Variants in FHOD3 observed in about 807,000 individuals in gnomAD.
FHOD3 encodes formin homology 2 domain containing 3, also known as FH1/FH2 domain-containing protein 3.
Under a neutral mutation model 173.0 loss-of-function variants are expected in FHOD3, and 90 were observed. The observed-to-expected ratio is 0.52, with a 90% CI of 0.44 to 0.62. FHOD3 has a LOEUF of 0.62. Ranked by LOEUF, FHOD3 falls within the 20% of genes least tolerant of loss-of-function variation. FHOD3 has a pLI of 0.00. For synonymous variants in FHOD3, 828 were observed against 823.0 expected (o/e 1.01, Z -0.10); for missense variants, 1,945 against 2,034.7 (o/e 0.96, Z 0.85).
chr18:36,658,988 G>A (rs1774730332), intron 14 of FHOD3, among the ~76,000 whole-genome samples: 1 of 152,190 alleles, frequency 6.6e-6, no homozygotes, highest in South Asian at 2.1e-4. Context: ...TGTAGGAGAT[G>A]ATAGCATGTA....
At chr18:36,660,542 G>C (rs1354931928) in intron 14 of FHOD3, among the ~76,000 whole-genome samples, 1 of 152,226 alleles carries the variant, frequency 6.6e-6, no homozygotes, top group African/African-American at 2.4e-5. Flanking sequence ...GGAGCAGCAG[G>C]TTTGGCAGAG....
At chr18:36,770,892 T>G (rs993481663) in intron 28 of FHOD3, among the ~76,000 whole-genome samples, 2 of 152,200 alleles carry the variant, frequency 1.3e-5, no homozygotes, top group Admixed American at 6.5e-5. Context: ...CTCTTTATTG[T>G]ATGCCTTCCT....
At position 36,618,310 on chromosome 18, in the gene FHOD3, G is replaced by GTTTTTTTTTTT. The variant is rs1465774220; in HGVS notation, c.957+6215_957+6216insTTTTTTTTTTT. ...CCATTTGGTAATGATGTTTTTTGGT[G>GTTTTTTTTTTT]GTTTTTTTTTTTTTTTTTTTTTTGA... On this transcript the variant is annotated intron_variant, in intron 9 of 28. Transcript: ENST00000590592. 4.7e-5 allele frequency among the ~76,000 whole-genome samples: 4 copies of GTTTTTTTTTTT among 85,224 alleles called. 1 individual carries two copies. Among genetic ancestry groups the GTTTTTTTTTTT allele is most frequent in the African/African-American group, 4.1e-5 (1 of 24,664 alleles). The allele number at this position is 85,224 out of a possible 152,430, so 55.9% of individuals were successfully genotyped here.
intron 3 of FHOD3, among the ~76,000 whole-genome samples, chr18:36,476,601 C>T (rs2053588985): frequency 6.6e-6 from 1 of 152,196 alleles, no homozygotes; most frequent in Non-Finnish European, 1.5e-5. Context: ...GAAGTCAGCT[C>T]TTAAGCCAGT....
At chr18:36,519,216 T>C (rs1446155361) in intron 5 of FHOD3, among the ~76,000 whole-genome samples, 2 of 152,182 alleles carry the variant, frequency 1.3e-5, no homozygotes, top group African/African-American at 2.4e-5. Flanking sequence ...TGGACTTAAA[T>C]TGGACAGTTC....
At chr18:36,521,636 TC>T (rs774079310) in intron 5 of FHOD3, among the ~76,000 whole-genome samples, 99 of 152,322 alleles carry the variant, frequency 6.5e-4, no homozygotes, top group Non-Finnish European at 1.1e-3. Flanking sequence ...CCTAACCTGC[TC>T]TACCAGCTGC....
At chr18:36,549,532 CTTTTTTTTTTTTT>C (rs386387404) in intron 5 of FHOD3, among the ~76,000 whole-genome samples, 2 of 71,218 alleles carry the variant, frequency 2.8e-5, no homozygotes, top group African/African-American at 5.7e-5. Context: ...TCTAAGAAAT[CTTTTTTTTTTTTT>C]TTTTTTTTTT....
chr18:36,681,485 T>C lies in FHOD3; in HGVS notation c.1885T>C (p.Ser629Pro), dbSNP rs759635243. The C allele has an allele frequency of 6.2e-7, 1 of 1,613,168 alleles. No homozygotes were observed. Among genetic ancestry groups the C allele is most frequent in the Non-Finnish European group, 8.5e-7 (1 of 1,179,746 alleles). The change falls in exon 15 of 29, where the codon TCA (serine) becomes CCA (proline). Residue 629 changes from serine (S) to proline (P), a missense_variant. By Grantham distance (74) the Ser-to-Pro change is moderately conservative (BLOSUM62 -1). Around this residue, in one of 5 missense-constraint regions of FHOD3, gnomAD observed 1,099 missense variants for 1,051.2 expected, o/e 1.05. Coordinates refer to ENST00000590592, the MANE Select transcript of FHOD3 (RefSeq NM_001281740.3). The part of the protein sequence containing the change: ...LTSSFRQHQE[S>P]LAAERERRRQ... ...ATCATCCTTCAGGCAGCACCAAGAG[T>C]CACTGGCAGCAGAGAGAGAGAGGCG...
At chr18:36,758,999 G>A (rs2042754150) in intron 25 of FHOD3, 119 bp from the exon 26 acceptor site, 1 of 1,104,672 alleles carries the variant, frequency 9.1e-7, no homozygotes, top group Non-Finnish European at 1.3e-6. Flanking sequence ...TGGTTGTGGT[G>A]ACCAGTTTAT....
chr18:36,517,054 A>G (rs2056027599), intron 5 of FHOD3, among the ~76,000 whole-genome samples: 2 of 151,870 alleles, frequency 1.3e-5, no homozygotes, highest in African/African-American at 4.8e-5. Context: ...TGAGAGGTAG[A>G]GATAGGTTTA....
chr18:36,756,545 C>T (rs1341896103), intron 25 of FHOD3, among the ~76,000 whole-genome samples: 10 of 152,122 alleles, frequency 6.6e-5, no homozygotes, highest in African/African-American at 9.7e-5. Flanking sequence ...TCACTGAAGC[C>T]GCCCTATGTG....
chr18:36,694,642 C>T (rs1455159543), intron 17 of FHOD3, among the ~76,000 whole-genome samples: 1 of 152,214 alleles, frequency 6.6e-6, no homozygotes, highest in Non-Finnish European at 1.5e-5. Flanking sequence ...GAGATATCCT[C>T]CTGCAGAGTT....
chr18:36,684,794 T>A (rs2038494955), intron 15 of FHOD3, among the ~76,000 whole-genome samples: 1 of 152,010 alleles, frequency 6.6e-6, no homozygotes, highest in African/African-American at 2.4e-5. Context: ...CAAGAGTGCA[T>A]TGGTTTTTTT....
chr18:36,596,220 T>C (rs983638190), intron 7 of FHOD3, among the ~76,000 whole-genome samples: 4 of 151,724 alleles, frequency 2.6e-5, no homozygotes, highest in African/African-American at 9.7e-5. Flanking sequence ...AGTGGCGCGA[T>C]CTCGGCTCAC....
chr18:36,394,958 A>G (rs937508299), intron 3 of FHOD3, among the ~76,000 whole-genome samples: 1 of 152,164 alleles, frequency 6.6e-6, no homozygotes, highest in Non-Finnish European at 1.5e-5. Context: ...CTGTGCTACA[A>G]GGTTTTTACA....
chr18:36,339,614 C>G (rs1757655696), intron 1 of FHOD3, among the ~76,000 whole-genome samples: 1 of 152,212 alleles, frequency 6.6e-6, no homozygotes, highest in South Asian at 2.1e-4. Flanking sequence ...CCACTCCTCA[C>G]CCCGCCCAGG....
At chr18:36,675,251 T>G (rs2037777664) in intron 14 of FHOD3, among the ~76,000 whole-genome samples, 1 of 152,152 alleles carries the variant, frequency 6.6e-6, no homozygotes, top group Non-Finnish European at 1.5e-5. Flanking sequence ...CCTCTGATGC[T>G]CTGCCACTCA....
intron 1 of FHOD3, among the ~76,000 whole-genome samples, chr18:36,354,695 A>C (rs1046296615): frequency 2.5e-4 from 38 of 152,102 alleles, no homozygotes; most frequent in Non-Finnish European, 1.0e-4. Context: ...AATCCCAGCT[A>C]CTTGGGAAGC....
At chr18:36,327,076 T>C (rs2044710209) in intron 1 of FHOD3, among the ~76,000 whole-genome samples, 1 of 152,220 alleles carries the variant, frequency 6.6e-6, no homozygotes. Context: ...TTTCTTTGAA[T>C]TGGGAGATTT....
Sources: gnomAD v4.1 joint callset for allele counts (sites outside exome capture counted in the v4.1 genomes callset) on GRCh38, gnomAD v4.1.1 for gene constraint, gnomAD v4.1.1 regional missense constraint, MANE v1.5 for transcripts, NCBI Gene and HGNC (gene_info 2026-07-23, HGNC 2026-07-21) for gene names.